Variants in ADPRHL1 observed in about 807,000 individuals in gnomAD.
ADPRHL1 encodes ADP-ribosylhydrolase like 1, also known as inactive ADP-ribosyltransferase ARH2.
Under a neutral mutation model 44.1 loss-of-function variants are expected in ADPRHL1, and 43 were observed. The observed-to-expected ratio is 0.98, with a 90% CI of 0.76 to 1.26. ADPRHL1 has a LOEUF of 1.26. ADPRHL1 is among the 50% of genes most tolerant of loss of function. The pLI is 0.00. For missense variants in ADPRHL1, 2,022 were observed against 2,496.9 expected (o/e 0.81, Z 4.05); for synonymous variants, 878 against 1,017.4 (o/e 0.86, Z 2.61).
At chr13:113,430,900 C>A (rs1054194769) in intron 3 of ADPRHL1, among the ~76,000 whole-genome samples, 1 of 152,220 alleles carries the variant, frequency 6.6e-6, no homozygotes, top group Non-Finnish European at 1.5e-5. Flanking sequence ...CGTTGCCGAG[C>A]CCTTGCCCCA....
At position 113,453,158 on chromosome 13, in the gene ADPRHL1, T is replaced by A; in HGVS notation, c.214+66A>T. The A allele has an allele frequency of 6.4e-7, 1 of 1,570,314 alleles. No individual in the cohort carries two copies. The highest frequency in any genetic ancestry group is 8.7e-7 in the Non-Finnish European group (1 of 1,143,864). Reference sequence around the variant, plus strand: ...GCCTTCAAAGCTCTCGGAGGCTTACTGGGAGAACTCGAGCAGCCAGTGTTC... The same window carrying A: ...GCCTTCAAAGCTCTCGGAGGCTTACAGGGAGAACTCGAGCAGCCAGTGTTC... On this transcript the variant is annotated intron_variant, in intron 1 of 7. Transcript: ENST00000612156. This position sits in a 1 kb window ranked among gnomAD's most constrained non-coding sequence, Gnocchi z 5.4.
rs949115772 is a variant in ADPRHL1 at position 113,443,983 on chromosome 13, C to A, written c.379+442G>T. On this transcript the variant is annotated intron_variant, in intron 2 of 7. Transcript: ENST00000612156. ...TTTAAAGCGTGCTTTTCAATAGATA[C>A]CATTAAGAAAACAAAAAGGCAAGGC... Among the ~76,000 whole-genome samples the A allele has an allele frequency of 2.0e-5, 3 of 152,028 alleles. No individual in the cohort carries two copies. The South Asian group carries it at 6.2e-4, about 31-fold the overall frequency.
rs757118099 is a variant in ADPRHL1, at chr13:113,441,349, G to C, written c.379+3076C>G. On this transcript the variant is annotated intron_variant, in intron 2 of 7. Coordinates refer to ENST00000612156, the MANE Select transcript of ADPRHL1 (RefSeq NM_001394807.1). The surrounding 1 kb of genome is among the most constrained non-coding windows in gnomAD (Gnocchi z 6.0). ...CCTTCCCCCTTTTCTGCCTTTTTTG[G>C]GTTGAATGTTTCTCAAGGGATTCAA... is the stretch of plus-strand genomic sequence containing the variant. 2.0e-5 allele frequency among the ~76,000 whole-genome samples: 3 copies of C among 151,838 alleles called. No individual in the cohort carries two copies. The highest frequency in any genetic ancestry group is 4.4e-5 in the Non-Finnish European group (3 of 67,988).
chr13:113,403,200 GA>G lies in ADPRHL1; in HGVS notation c.*177del. On this transcript the variant is annotated 3_prime_UTR_variant, in exon 8 of 8. Coordinates refer to ENST00000612156, the MANE Select transcript of ADPRHL1 (RefSeq NM_001394807.1). ...TGGCTCTGTGGGGTGACAGGAACCC[GA>G]CCCACATGTAGCTCAATCCTCCCAA... 2 of 523,584 alleles carry G rather than the reference GA, an allele frequency of 3.8e-6. No individual in the cohort carries two copies. The highest frequency in any genetic ancestry group is 7.1e-5 in the East Asian group (2 of 28,126). The allele number at this position is 523,584 out of a possible 1,614,324, so 32.4% of individuals were successfully genotyped here.
At chr13:113,418,221 A>T (rs1265519283) in intron 7 of ADPRHL1, among the ~76,000 whole-genome samples, 1 of 152,176 alleles carries the variant, frequency 6.6e-6, no homozygotes, top group South Asian at 2.1e-4. Flanking sequence ...TGGGGGTAGT[A>T]AAAAGGGCCC....
At chr13:113,439,109 C>G (rs754788005) in intron 2 of ADPRHL1, among the ~76,000 whole-genome samples, 1 of 152,088 alleles carries the variant, frequency 6.6e-6, no homozygotes, top group African/African-American at 2.4e-5. Context: ...GACTGAAATT[C>G]TCTTTCCTTT....
rs2043749247 is a variant in ADPRHL1, at chr13:113,400,279, G to A, written c.*3099C>T. On this transcript the variant is annotated 3_prime_UTR_variant, in exon 8 of 8. Coordinates refer to ENST00000612156, the MANE Select transcript of ADPRHL1 (RefSeq NM_001394807.1). ...TCCTGTCTCAGGCTCCCGAGTAGCT[G>A]GGACTACAGGCACCCACCACCACGC... 6.7e-6 allele frequency: 1 copy of A among 149,304 alleles called. No homozygotes were observed. The highest frequency in any genetic ancestry group is 6.7e-5 in the Admixed American group (1 of 14,970). 9.2% of individuals were successfully genotyped at this position (149,304 alleles called of 1,614,324 possible). A position where few individuals can be genotyped will look rare whatever the true frequency, so the allele number is the denominator to read the frequency against.
chr13:113,415,854 GCTC>G (rs1247370420), intron 7 of ADPRHL1, among the ~76,000 whole-genome samples: 4 of 151,406 alleles, frequency 2.6e-5, no homozygotes, highest in Non-Finnish European at 4.4e-5. Flanking sequence ...TTAATTTGAG[GCTC>G]CTAACATTTT....
rs2043932641 is a variant in ADPRHL1 at position 113,422,599 on chromosome 13, G to A, written c.1061+227C>T. The A allele has an allele frequency of 9.7e-6, 6 of 616,446 alleles. No homozygotes were observed. In the Admixed American group the frequency reaches 1.8e-4, roughly 19 times the overall value. The allele number at this position is 616,446 out of a possible 1,614,324, so 38.2% of individuals were successfully genotyped here. ...TCCAAGTGCGGCAAATCTACGCAGTGTCAATGTTGATGGTGGAGGACGGAA... is the reference window on the plus strand; with the variant it reads ...TCCAAGTGCGGCAAATCTACGCAGTATCAATGTTGATGGTGGAGGACGGAA... On this transcript the variant is annotated intron_variant, in intron 7 of 7. Transcript: ENST00000612156.
rs2043746031 is a variant in ADPRHL1, at chr13:113,400,143, TTCTTC to T, written c.*3230_*3234del. 1 of 139,254 alleles carries T rather than the reference TTCTTC, an allele frequency of 7.2e-6. No individual in the cohort carries two copies. Among genetic ancestry groups the T allele is most frequent in the African/African-American group, 3.0e-5 (1 of 33,314 alleles). The allele number at this position is 139,254 out of a possible 1,614,324, so 8.6% of individuals were successfully genotyped here. On this transcript the variant is annotated 3_prime_UTR_variant, in exon 8 of 8. Coordinates refer to ENST00000612156, the MANE Select transcript of ADPRHL1 (RefSeq NM_001394807.1). ...ATATCCTGTTTTCTTTTCTTTTCTT[TTCTTC>T]TTTTTTTTTTTTTTTTTGACGGAGT...
At chr13:113,449,444 G>A (rs1211653288) in intron 1 of ADPRHL1, among the ~76,000 whole-genome samples, 1 of 149,208 alleles carries the variant, frequency 6.7e-6, no homozygotes, top group Non-Finnish European at 1.5e-5. Flanking sequence ...GAAGGAGTGA[G>A]CCCCGTTCAG....
intron 5 of ADPRHL1, among the ~76,000 whole-genome samples, 160 bp from the exon 6 acceptor site, chr13:113,424,509 C>A (rs1355641504): frequency 1.3e-5 from 2 of 152,076 alleles, no homozygotes; most frequent in African/African-American, 4.8e-5. Flanking sequence ...GGTTGGAGTG[C>A]AATGATACAA....
rs1303532695 is a variant in ADPRHL1 at position 113,453,442 on chromosome 13, G to A, written c.-5C>T. The A allele has an allele frequency of 1.9e-6, 3 of 1,613,958 alleles. No homozygotes were observed. In the South Asian group the frequency reaches 3.3e-5, roughly 18 times the overall value. Reference sequence around the variant, plus strand: ...CGCAGCCTTAAATTTCTCCATCCCAGGAGGCAGCTCCTCTTCCCCAACAGC... The same window carrying A: ...CGCAGCCTTAAATTTCTCCATCCCAAGAGGCAGCTCCTCTTCCCCAACAGC... On this transcript the variant is annotated 5_prime_UTR_variant, in exon 1 of 8. Coordinates refer to ENST00000612156, the MANE Select transcript of ADPRHL1 (RefSeq NM_001394807.1). This position sits in a 1 kb window ranked among gnomAD's most constrained non-coding sequence, Gnocchi z 5.4.
rs2044069299 is a variant in ADPRHL1, at chr13:113,437,438, T to C, written c.380-3571A>G. 2.0e-5 allele frequency among the ~76,000 whole-genome samples: 3 copies of C among 152,290 alleles called. No homozygotes were observed. In the South Asian group the frequency reaches 6.2e-4, roughly 32 times the overall value. ...CCCAGGTGCAGAGTGAATGCCTCTG[T>C]TGACCCTGAAGCCGCCGGTGCCCTC... On this transcript the variant is annotated intron_variant, in intron 2 of 7. Coordinates refer to ENST00000612156, the MANE Select transcript of ADPRHL1 (RefSeq NM_001394807.1).
rs542606485 is a variant in ADPRHL1 at position 113,409,880 on chromosome 13, C to T, written c.1062-1660G>A. ...CTCCAGCCTGAGCGACAGAGCGAGA[C>T]TCCGTCTCAAAAAAAAAAAAAAAAA... On this transcript the variant is annotated intron_variant, in intron 7 of 7. Coordinates refer to ENST00000612156, the MANE Select transcript of ADPRHL1 (RefSeq NM_001394807.1). This position sits in a 1 kb window ranked among gnomAD's most constrained non-coding sequence, Gnocchi z 4.2. 9 of 895,966 alleles carry T rather than the reference C, an allele frequency of 1.0e-5. No individual in the cohort carries two copies. In the African/African-American group the frequency reaches 2.0e-4, roughly 20 times the overall value. The allele number at this position is 895,966 out of a possible 1,614,324, so 55.5% of individuals were successfully genotyped here.
chr13:113,450,846 G>A (rs988597029), intron 1 of ADPRHL1, among the ~76,000 whole-genome samples: 1 of 152,152 alleles, frequency 6.6e-6, no homozygotes. Context: ...AGCATCACAG[G>A]GAGACGGTTA....
At position 113,401,956 on chromosome 13, in the gene ADPRHL1, G is replaced by A. The variant is rs1467401931; in HGVS notation, c.*1422C>T. 6.6e-6 allele frequency: 1 copy of A among 152,284 alleles called. No individual in the cohort carries two copies. The highest frequency in any genetic ancestry group is 1.5e-5 in the Non-Finnish European group (1 of 68,066). The allele number at this position is 152,284 out of a possible 1,614,324, so 9.4% of individuals were successfully genotyped here. On this transcript the variant is annotated 3_prime_UTR_variant, in exon 8 of 8. Coordinates refer to ENST00000612156, the MANE Select transcript of ADPRHL1 (RefSeq NM_001394807.1). This position sits in a 1 kb window ranked among gnomAD's most constrained non-coding sequence, Gnocchi z 5.5. ...ACACTGGAAAACACCTTCCTCTAAAGGAACATCCGAGTCAGAAAACAGGTG... is the reference window on the plus strand; with the variant it reads ...ACACTGGAAAACACCTTCCTCTAAAAGAACATCCGAGTCAGAAAACAGGTG...
chr13:113,424,333 C>G lies in ADPRHL1; in HGVS notation c.791G>C (p.Ser264Thr), dbSNP rs751493419. 2.5e-6 allele frequency: 4 copies of G among 1,612,790 alleles called. No individual in the cohort carries two copies. In the East Asian group the frequency reaches 8.9e-5, roughly 36 times the overall value. ...EEREKTYRKW[S>T]SEGRGGRRGH... ...TCGTCTTCCCCCTCGACCTTCCGAGCTCCACTTCCTGTAGGTCTGACAAGA... is the reference window on the plus strand; with the variant it reads ...TCGTCTTCCCCCTCGACCTTCCGAGGTCCACTTCCTGTAGGTCTGACAAGA... Residue 264 changes from serine to threonine, a missense_variant, in exon 6 of 8, where the codon AGC becomes ACC. By Grantham distance (58) the Ser-to-Thr change is moderately conservative. Coordinates refer to ENST00000612156, the MANE Select transcript of ADPRHL1 (RefSeq NM_001394807.1).
chr13:113,422,727 G>C, intron 7 of ADPRHL1, 99 bp downstream of exon 7: 1 of 1,496,958 alleles, frequency 6.7e-7, no homozygotes, highest in Non-Finnish European at 9.0e-7. Context: ...CCGCAGTGGA[G>C]CCTCACAGAG....
Sources: gnomAD v4.1 joint callset for allele counts (sites outside exome capture counted in the v4.1 genomes callset) on GRCh38, gnomAD v4.1.1 for gene constraint, Gnocchi (gnomAD v3.1) non-coding constraint, MANE v1.5 for transcripts, NCBI Gene and HGNC (gene_info 2026-07-23, HGNC 2026-07-21) for gene names.